DOCK1: variants seen among roughly 807,000 people sequenced by gnomAD.
DOCK1 encodes the protein dedicator of cytokinesis protein 1.
DOCK1 carries 138 observed loss-of-function variants against 262.7 expected under a neutral mutation model. The ratio of observed to expected loss-of-function variants is 0.53; its 90% CI spans 0.46 to 0.61. The LOEUF is 0.61. Among genes scored for constraint, DOCK1 ranks in the 20% least tolerant of loss-of-function variants. The pLI is 0.00. For missense variants in DOCK1, 1,908 were observed against 2,370.7 expected, an observed-to-expected ratio of 0.80 and a Z score of 4.05; for synonymous variants, 866 against 867.4, an observed-to-expected ratio of 1.00 and a Z score of 0.03.
chr10:126,926,101 G>C (rs1363463589), intron 1 of DOCK1, among the ~76,000 whole-genome samples: 3 of 152,084 alleles, frequency 2.0e-5, no homozygotes, highest in Non-Finnish European at 4.4e-5. Context: ...GGAGAAAAGA[G>C]TGATGTGATA....
At chr10:127,074,062 G>C (rs990338411) in intron 23 of DOCK1, among the ~76,000 whole-genome samples, 3 of 152,060 alleles carry the variant, frequency 2.0e-5, no homozygotes, top group African/African-American at 7.2e-5. Context: ...ATTATCAAGA[G>C]GGAAAAAGGA....
intron 1 of DOCK1, among the ~76,000 whole-genome samples, chr10:126,944,203 G>A (rs2035225025): frequency 6.6e-6 from 1 of 151,790 alleles, no homozygotes; most frequent in Non-Finnish European, 1.5e-5. Flanking sequence ...CTGATTGGTT[G>A]TAGACGAGGG....
chr10:127,363,216 A>G (rs2064693322), intron 33 of DOCK1, among the ~76,000 whole-genome samples: 1 of 152,168 alleles, frequency 6.6e-6, no homozygotes, highest in African/African-American at 2.4e-5. Flanking sequence ...CCTTTTAAAA[A>G]TCATTATACT....
At chr10:127,079,729 G>A (rs1400153005) in intron 23 of DOCK1, among the ~76,000 whole-genome samples, 4 of 152,164 alleles carry the variant, frequency 2.6e-5, no homozygotes, top group African/African-American at 9.7e-5. Flanking sequence ...TCAGGAGTTC[G>A]AGATCAGCCT....
At chr10:127,200,778 G>A (rs2057417841) in intron 27 of DOCK1, among the ~76,000 whole-genome samples, 1 of 152,140 alleles carries the variant, frequency 6.6e-6, no homozygotes, top group African/African-American at 2.4e-5. Context: ...CCCAAGTCTG[G>A]GTCTGTTTAG....
chr10:127,407,482 A>G (rs2067583998), intron 40 of DOCK1, among the ~76,000 whole-genome samples: 1 of 152,336 alleles, frequency 6.6e-6, no homozygotes, highest in South Asian at 2.1e-4. Context: ...ATTAGGTTTC[A>G]ACATCTGAAT....
intron 29 of DOCK1, among the ~76,000 whole-genome samples, chr10:127,283,824 A>C (rs1332637829): frequency 2.0e-5 from 3 of 152,202 alleles, no homozygotes; most frequent in African/African-American, 7.2e-5. Flanking sequence ...TATCTGTTGC[A>C]GATAACATTG....
intron 27 of DOCK1, among the ~76,000 whole-genome samples, chr10:127,149,906 C>T (rs1480520899): frequency 6.6e-6 from 1 of 152,122 alleles, no homozygotes; most frequent in Non-Finnish European, 1.5e-5. Flanking sequence ...AGGAAAGTTC[C>T]TGAACTCCCG....
intron 29 of DOCK1, among the ~76,000 whole-genome samples, chr10:127,275,118 G>A (rs918160082): frequency 6.6e-6 from 1 of 152,124 alleles, no homozygotes; most frequent in Admixed American, 6.5e-5. Context: ...TGATATTCAG[G>A]CCACCTGGGG....
chr10:127,286,695 A>C (rs2061165492), intron 29 of DOCK1, among the ~76,000 whole-genome samples: 1 of 152,070 alleles, frequency 6.6e-6, no homozygotes, highest in Admixed American at 6.5e-5. Context: ...TATCTCTTAA[A>C]AATAAGAATT....
intron 1 of DOCK1, among the ~76,000 whole-genome samples, chr10:126,934,188 C>T (rs2034387923): frequency 6.6e-6 from 1 of 152,056 alleles, no homozygotes; most frequent in Non-Finnish European, 1.5e-5. Context: ...GCTGAAAACT[C>T]AAATTTTATA....
At chr10:127,310,285 A>G (rs1360472334) in intron 29 of DOCK1, among the ~76,000 whole-genome samples, 2 of 99,278 alleles carry the variant, frequency 2.0e-5, no homozygotes, top group African/African-American at 8.0e-5. Flanking sequence ...CCCCACCCCT[A>G]CAGCCTTCCT....
chr10:127,132,567 A>G (rs2050388845), intron 27 of DOCK1, among the ~76,000 whole-genome samples: 1 of 152,074 alleles, frequency 6.6e-6, no homozygotes, highest in African/African-American at 2.4e-5. Flanking sequence ...ATTAAGCAGC[A>G]TTTTTCCTCA....
chr10:127,227,360 G>T (rs1262217700), intron 27 of DOCK1, among the ~76,000 whole-genome samples: 1 of 152,176 alleles, frequency 6.6e-6, no homozygotes, highest in Admixed American at 6.5e-5. Context: ...CTGCCAGTGC[G>T]GGCCTGCCTC....
chr10:127,402,324 T>C (rs996988811), intron 38 of DOCK1, among the ~76,000 whole-genome samples: 34 of 152,318 alleles, frequency 2.2e-4, no homozygotes, highest in Non-Finnish European at 1.0e-4. Context: ...TTCCTCTTAC[T>C]TTTCCATGGT....
chr10:127,111,453 T>C lies in DOCK1; in HGVS notation c.2623+1099T>C, dbSNP rs928860233. ...CATAAAAGAAAGTCAGTTCTCACCATGGTCTGGGACTCAAAGCACATGACG... is the reference window on the plus strand; with the variant it reads ...CATAAAAGAAAGTCAGTTCTCACCACGGTCTGGGACTCAAAGCACATGACG... On this transcript the variant is annotated intron_variant, in intron 25 of 51. Transcript: ENST00000623213. Among the ~76,000 whole-genome samples, 5 of 152,182 alleles carry C rather than the reference T, an allele frequency of 3.3e-5. No homozygotes were observed. The East Asian group carries it at 9.6e-4, about 29-fold the overall frequency.
chr10:127,057,706 A>G (rs1349373897), intron 22 of DOCK1, among the ~76,000 whole-genome samples: 2 of 152,220 alleles, frequency 1.3e-5, no homozygotes, highest in Non-Finnish European at 2.9e-5. Context: ...CATCAGAATC[A>G]AATTACTAAA....
At chr10:126,924,386 G>T (rs2033504368) in intron 1 of DOCK1, among the ~76,000 whole-genome samples, 1 of 121,398 alleles carries the variant, frequency 8.2e-6, no homozygotes, top group Non-Finnish European at 1.8e-5. Context: ...CTGGAACTCA[G>T]TAGGGGGAGG....
chr10:126,913,114 A>T (rs1384991479), intron 1 of DOCK1, among the ~76,000 whole-genome samples: 3 of 152,048 alleles, frequency 2.0e-5, no homozygotes, highest in Non-Finnish European at 4.4e-5. Flanking sequence ...TAATCAAATT[A>T]GTGACAGAAC....
Sources: allele counts gnomAD v4.1 joint callset (sites outside exome capture counted in the v4.1 genomes callset), GRCh38; gene constraint gnomAD v4.1.1; transcripts MANE v1.5; gene names NCBI Gene and HGNC (gene_info 2026-07-23, HGNC 2026-07-21).